Variants in MTREX observed in about 807,000 individuals in gnomAD.
MTREX encodes Mtr4 exosome RNA helicase.
MTREX carries 76 observed loss-of-function variants against 135.4 expected under a neutral mutation model. That is an observed-to-expected ratio of 0.56 (90% CI 0.47 to 0.68). MTREX has a LOEUF of 0.68. MTREX is among the 30% of genes least tolerant of loss of function. MTREX has a pLI of 0.00. For missense variants in MTREX, 920 were observed against 1,262.1 expected, an observed-to-expected ratio of 0.73 and a Z score of 4.11; for synonymous variants, 404 against 401.6, an observed-to-expected ratio of 1.01 and a Z score of -0.07.
intron 19 of MTREX, among the ~76,000 whole-genome samples, chr5:55,391,468 T>TA (rs1392490308): frequency 6.6e-6 from 1 of 152,026 alleles, no homozygotes; most frequent in Non-Finnish European, 1.5e-5. Context: ...TCTCTTTGTC[T>TA]AAAAAAACAT....
rs1043409308 is a variant in MTREX at position 55,379,208 on chromosome 5, C to A, written c.2052+13C>A. 8.8e-6 allele frequency: 13 copies of A among 1,481,354 alleles called. No homozygotes were observed. The highest frequency in any genetic ancestry group is 8.4e-5 in the Admixed American group (5 of 59,302). The allele number at this position is 1,481,354 out of a possible 1,614,324, so 91.8% of individuals were successfully genotyped here. A position where few individuals can be genotyped will look rare whatever the true frequency, so the allele number is the denominator to read the frequency against. ...GTCAAATGTTAAGGTAAACTATTAT[C>A]TTTAAATTAGAATTGTATATCAATT... is the stretch of plus-strand genomic sequence containing the variant. On this transcript the variant is annotated intron_variant, in intron 18 of 26. Coordinates refer to ENST00000230640, the MANE Select transcript of MTREX (RefSeq NM_015360.5).
intron 25 of MTREX, among the ~76,000 whole-genome samples, chr5:55,419,321 T>C (rs1336653528): frequency 6.6e-6 from 1 of 152,244 alleles, no homozygotes; most frequent in Non-Finnish European, 1.5e-5. Context: ...TAAAAGTGTC[T>C]GGTCATTTCA....
chr5:55,390,665 C>T (rs1262188249), intron 19 of MTREX, among the ~76,000 whole-genome samples: 1 of 152,078 alleles, frequency 6.6e-6, no homozygotes, highest in East Asian at 1.9e-4. Flanking sequence ...TGAGACTCAG[C>T]GTCAGGGAGT....
Position 55,388,040 on chromosome 5 carries a change from T to C in MTREX, c.2119T>C (p.Leu707=), listed in dbSNP as rs1750506823. 11 of 1,609,734 alleles carry C rather than the reference T, an allele frequency of 6.8e-6. No homozygotes were observed. The highest frequency in any genetic ancestry group is 9.3e-6 in the Non-Finnish European group (11 of 1,176,912). ...ACTTCTGCGCTGTAGCAAAGAGAGC[T>C]TGAAAAATTCAGCTACAGAAGCTGC... ...EVLLRCSKES[L]KNSATEAAKP... Residue 707 remains leucine (L), a synonymous_variant, in exon 19 of 27, where the codon TTG becomes CTG. Transcript: ENST00000230640.
Position 55,405,460 on chromosome 5 carries a change from G to A in MTREX, c.2517G>A (p.Leu839=). The A allele has an allele frequency of 3.1e-6, 5 of 1,613,766 alleles. No individual in the cohort carries two copies. In the South Asian group the frequency reaches 5.5e-5, roughly 18 times the overall value. Residue 839 remains leucine, a synonymous_variant, in exon 22 of 27, where the codon CTG becomes CTA. Transcript: ENST00000230640. ...AIDIKSAKRE[L]KKARTVLQMD... ...ATATTAAATCTGCAAAGCGAGAACT[G>A]AAGAAAGCAAGAACAGTCCTACAAA...
chr5:55,352,349 T>C (rs1166785252), intron 13 of MTREX, among the ~76,000 whole-genome samples: 1 of 150,378 alleles, frequency 6.6e-6, no homozygotes, highest in Admixed American at 6.6e-5. Context: ...GGTATGTCCC[T>C]TCTAGATTGT....
chr5:55,356,882 G>T, intron 14 of MTREX: 1 of 167,492 alleles, frequency 6.0e-6, no homozygotes, highest in South Asian at 1.6e-4. Flanking sequence ...TCAGTGCCTG[G>T]ATGGTGGTAG....
intron 24 of MTREX, 133 bp from the exon 25 acceptor site, chr5:55,415,837 G>A (rs1049085231): frequency 1.2e-5 from 7 of 562,990 alleles, no homozygotes; most frequent in Middle Eastern, 9.4e-4. Flanking sequence ...CTACTTAGGA[G>A]CAGAATGTCC....
chr5:55,336,968 A>G (rs930395646), intron 5 of MTREX, among the ~76,000 whole-genome samples: 1 of 152,172 alleles, frequency 6.6e-6, no homozygotes, highest in African/African-American at 2.4e-5. Context: ...GTTTTCCATA[A>G]GACTTTGTGT....
At chr5:55,369,605 T>G (rs1311814981) in intron 16 of MTREX, among the ~76,000 whole-genome samples, 2 of 152,360 alleles carry the variant, frequency 1.3e-5, no homozygotes, top group Non-Finnish European at 2.9e-5. Flanking sequence ...GATTGTTCAG[T>G]ATGACTTAGA....
chr5:55,353,091 G>A lies in MTREX; in HGVS notation c.1432-77G>A, dbSNP rs1749853617. 4 of 828,124 alleles carry A rather than the reference G, an allele frequency of 4.8e-6. No homozygotes were observed. In the South Asian group the frequency reaches 6.3e-5, roughly 13 times the overall value. 51.3% of individuals were successfully genotyped at this position (828,124 alleles called of 1,614,324 possible). ...TTAACTAATTTTAAAGATTAATAAT[G>A]CATTTACTTAAAAATTATAAAACCA... On this transcript the variant is annotated intron_variant, in intron 13 of 26. Transcript: ENST00000230640.
At chr5:55,410,088 A>G (rs922604621) in intron 22 of MTREX, among the ~76,000 whole-genome samples, 18 of 152,166 alleles carry the variant, frequency 1.2e-4, no homozygotes, top group African/African-American at 4.3e-4. Context: ...AAACATAAAA[A>G]TAAAAAAATG....
chr5:55,377,695 T>G (rs751530481), intron 16 of MTREX, among the ~76,000 whole-genome samples: 24 of 152,170 alleles, frequency 1.6e-4, no homozygotes, highest in Non-Finnish European at 2.8e-4. Flanking sequence ...GCCTGTGATT[T>G]ATTGGTTGGT....
chr5:55,374,878 C>T (rs1750268061), intron 16 of MTREX, among the ~76,000 whole-genome samples: 1 of 152,156 alleles, frequency 6.6e-6, no homozygotes, highest in South Asian at 2.1e-4. Flanking sequence ...AGGTTCTTTT[C>T]TATTTTCCTT....
At chr5:55,323,488 C>G (rs535309975) in intron 2 of MTREX, among the ~76,000 whole-genome samples, 1 of 151,946 alleles carries the variant, frequency 6.6e-6, no homozygotes, top group African/African-American at 2.4e-5. Context: ...GTGGTGTGAT[C>G]ACAGCTCACT....
At chr5:55,409,150 G>T (rs230776) in intron 22 of MTREX, among the ~76,000 whole-genome samples, 90,644 of 151,680 alleles carry the variant, frequency 0.6, 28,166 homozygotes, top group Middle Eastern at 0.71. Flanking sequence ...ACAGGGTTTT[G>T]CCATGTTGCT....
chr5:55,377,800 C>T (rs183957925), intron 16 of MTREX, among the ~76,000 whole-genome samples: 1 of 152,122 alleles, frequency 6.6e-6, no homozygotes, highest in Non-Finnish European at 1.5e-5. Flanking sequence ...GATAGATTCT[C>T]TCTCTGACCT....
At chr5:55,398,569 G>C (rs1484096771) in intron 20 of MTREX, among the ~76,000 whole-genome samples, 1 of 152,118 alleles carries the variant, frequency 6.6e-6, no homozygotes, top group African/African-American at 2.4e-5. Flanking sequence ...TGTTTTTTCT[G>C]ATATTTTCAG....
At chr5:55,417,488 CCTACA>C (rs1481816959) in intron 25 of MTREX, among the ~76,000 whole-genome samples, 1 of 152,084 alleles carries the variant, frequency 6.6e-6, no homozygotes, top group Non-Finnish European at 1.5e-5. Context: ...TTTCTTAAAC[CCTACA>C]CTAGACTATA....
Sources: allele counts gnomAD v4.1 joint callset (sites outside exome capture counted in the v4.1 genomes callset), GRCh38; gene constraint gnomAD v4.1.1; transcripts MANE v1.5; gene names NCBI Gene and HGNC (gene_info 2026-07-23, HGNC 2026-07-21).